The following PLB1 variants were observed in gnomAD, a reference collection of about 807,000 sequenced individuals.
The protein encoded by PLB1 is phospholipase B1.
Under a neutral mutation model 227.4 loss-of-function variants are expected in PLB1, and 242 were observed. That is an observed-to-expected ratio of 1.06 (90% CI 0.96 to 1.18). The LOEUF is 1.18. Among genes scored for constraint, PLB1 ranks in the 50% most tolerant of loss-of-function variants. The probability of loss-of-function intolerance (pLI) is 0.00; values close to 1 mark genes in which losing one functional copy is unlikely to be tolerated. For synonymous variants in PLB1, 757 were observed against 682.2 expected, an observed-to-expected ratio of 1.11 and a Z score of -1.71; for missense variants, 1,858 against 1,816.3, an observed-to-expected ratio of 1.02 and a Z score of -0.42.
At chr2:28,520,566 G>A (rs1669391649) in intron 4 of PLB1, among the ~76,000 whole-genome samples, 1 of 152,050 alleles carries the variant, frequency 6.6e-6, no homozygotes, top group Non-Finnish European at 1.5e-5. Context: ...TTTTCATTTA[G>A]CAAAACTGAA....
Position 28,542,242 on chromosome 2 carries a change from C to T in PLB1, c.879+431C>T, listed in dbSNP as rs768971950. Among the ~76,000 whole-genome samples, 13 of 152,170 alleles carry T rather than the reference C, an allele frequency of 8.5e-5. 1 individual carries two copies. The highest frequency in any genetic ancestry group is 1.9e-4 in the Non-Finnish European group (13 of 68,034). On this transcript the variant is annotated intron_variant, in intron 13 of 57. Coordinates refer to ENST00000327757, the MANE Select transcript of PLB1 (RefSeq NM_153021.5). ...CCCAATAAGCCTCAGCCCAGTTCAGCTCTCCTGAACCCAGGATGCATAGTC... is the reference window on the plus strand; with the variant it reads ...CCCAATAAGCCTCAGCCCAGTTCAGTTCTCCTGAACCCAGGATGCATAGTC...
intron 21 of PLB1, among the ~76,000 whole-genome samples, chr2:28,577,681 A>T (rs1454593715): frequency 6.6e-6 from 1 of 152,150 alleles, no homozygotes; most frequent in Non-Finnish European, 1.5e-5. Flanking sequence ...TCTCTACTAA[A>T]AATACAAAAA....
In PLB1 at chr2:28,602,808, G is replaced by C; in HGVS notation, c.2674-13G>C. ...GCCTGGAGCCCCCCTCTCATCTGCA[G>C]CTTTTCCCTTAGGTGCCCAGAGTCC... On this transcript the variant is annotated splice_polypyrimidine_tract_variant and intron_variant, in intron 38 of 57. Transcript: ENST00000327757. The C allele has an allele frequency of 6.2e-7, 1 of 1,612,970 alleles. No individual in the cohort carries two copies. The highest frequency in any genetic ancestry group is 2.2e-5 in the East Asian group (1 of 44,872).
intron 49 of PLB1, among the ~76,000 whole-genome samples, chr2:28,623,098 C>G (rs1024612342): frequency 6.6e-6 from 1 of 152,162 alleles, no homozygotes; most frequent in Non-Finnish European, 1.5e-5. Flanking sequence ...ACTGCACTGT[C>G]TAAAGACAGA....
intron 44 of PLB1, among the ~76,000 whole-genome samples, chr2:28,617,377 T>C (rs958108785): frequency 3.9e-5 from 6 of 152,232 alleles, no homozygotes; most frequent in African/African-American, 1.2e-4. Flanking sequence ...GCTGTGTTCC[T>C]TTGGGAGACC....
chr2:28,626,350 G>T lies in PLB1; in HGVS notation c.3580-78G>T, dbSNP rs576882422. 113 of 1,207,534 alleles carry T rather than the reference G, an allele frequency of 9.4e-5. No individual in the cohort carries two copies. In the African/African-American group the frequency reaches 1.5e-3, roughly 16 times the overall value. The allele number at this position is 1,207,534 out of a possible 1,614,324, so 74.8% of individuals were successfully genotyped here. A position where few individuals can be genotyped will look rare whatever the true frequency, so the allele number is the denominator to read the frequency against. On this transcript the variant is annotated intron_variant, in intron 50 of 57. Transcript: ENST00000327757. ...AAATAAGACAAAAGGCACTTGGAGG[G>T]CGGGCGGGCTGGCCCAGTAGCAACA... is the stretch of plus-strand genomic sequence containing the variant.
At position 28,548,906 on chromosome 2, in the gene PLB1, G is replaced by A. The variant is rs369559866; in HGVS notation, c.983G>A (p.Gly328Glu). 56 of 1,614,032 alleles carry A rather than the reference G, an allele frequency of 3.5e-5. No individual in the cohort carries two copies. The highest frequency in any genetic ancestry group is 1.6e-4 in the Middle Eastern group (1 of 6,084). ...EKDEPLSVKHGRPMKCPSQES... is the reference protein window; with the variant it reads ...EKDEPLSVKHERPMKCPSQES... ...GATGAGCCATTGAGTGTAAAACACG[G>A]GAGGCCAATGAAGTGTCCCTCTCAG... The change falls in exon 15 of 58, where the codon GGG becomes GAG. Residue 328 changes from glycine (G) to glutamate (E), a missense_variant. Gly to Glu is a moderately conservative substitution (Grantham distance 98). Transcript: ENST00000327757.
intron 31 of PLB1, 51 bp from the exon 32 acceptor site, chr2:28,592,610 T>G (rs1486906805): frequency 3.8e-6 from 6 of 1,571,050 alleles, no homozygotes; most frequent in Non-Finnish European, 5.3e-6. Flanking sequence ...CACTAGAGTG[T>G]GACTGTGGCT....
At chr2:28,549,581 A>G (rs1673894408) in intron 15 of PLB1, among the ~76,000 whole-genome samples, 1 of 151,810 alleles carries the variant, frequency 6.6e-6, no homozygotes, top group South Asian at 2.1e-4. Flanking sequence ...ACACCCAGCT[A>G]ATTTTTTTGT....
intron 1 of PLB1, among the ~76,000 whole-genome samples, chr2:28,514,964 G>A (rs1668674712): frequency 6.6e-6 from 1 of 152,126 alleles, no homozygotes; most frequent in Admixed American, 6.5e-5. Context: ...ACAGGCATGA[G>A]CCACCATGCC....
At position 28,549,997 on chromosome 2, in the gene PLB1, C is replaced by G. The variant is rs764499915; in HGVS notation, c.1009-13C>G. The G allele has an allele frequency of 6.2e-7, 1 of 1,608,700 alleles. No individual in the cohort carries two copies. The highest frequency in any genetic ancestry group is 1.1e-5 in the South Asian group (1 of 90,802). On this transcript the variant is annotated splice_polypyrimidine_tract_variant and intron_variant, in intron 15 of 57. Coordinates refer to ENST00000327757, the MANE Select transcript of PLB1 (RefSeq NM_153021.5). ...CTAGGGTCACGATTCCAACATGTCA[C>G]CTTTCCCTGCAGGAGAGCCCCTATC...
chr2:28,496,641 A>G (rs1237790023), intron 1 of PLB1, among the ~76,000 whole-genome samples: 3 of 152,194 alleles, frequency 2.0e-5, no homozygotes, highest in Non-Finnish European at 4.4e-5. Flanking sequence ...ATTCTAAAAG[A>G]TTGCCTACAT....
In PLB1 at chr2:28,573,319, A is replaced by G. The variant is rs762665159; in HGVS notation, c.1433+14A>G. 3 of 1,598,136 alleles carry G rather than the reference A, an allele frequency of 1.9e-6. No individual in the cohort carries two copies. Among genetic ancestry groups the G allele is most frequent in the Non-Finnish European group, 1.7e-6 (2 of 1,166,298 alleles). ...AGGCCGAGCTGAGTAAGCAGGGGTG[A>G]CCGGGGCGGTGAACAGCACAGGTCC... is the stretch of plus-strand genomic sequence containing the variant. On this transcript the variant is annotated intron_variant, in intron 21 of 57. Coordinates refer to ENST00000327757, the MANE Select transcript of PLB1 (RefSeq NM_153021.5).
At chr2:28,596,448 T>C (rs1309589130) in intron 33 of PLB1, among the ~76,000 whole-genome samples, 1 of 152,250 alleles carries the variant, frequency 6.6e-6, no homozygotes, top group African/African-American at 2.4e-5. Flanking sequence ...TGTTTTAAAA[T>C]GAAGATACCT....
At position 28,628,539 on chromosome 2, in the gene PLB1, G is replaced by A. The variant is rs767553174; in HGVS notation, c.3661-24G>A. 1.2e-5 allele frequency: 20 copies of A among 1,612,392 alleles called. 1 individual carries two copies. In the South Asian group the frequency reaches 2.2e-4, roughly 18 times the overall value. On this transcript the variant is annotated intron_variant, in intron 51 of 57. Coordinates refer to ENST00000327757, the MANE Select transcript of PLB1 (RefSeq NM_153021.5). ...CTCAGAGCGGGCACCAGGGGCTAAA[G>A]AGAGTACCCTTTTTTCCTTACAGGA... is the stretch of plus-strand genomic sequence containing the variant.
intron 28 of PLB1, 83 bp from the exon 29 acceptor site, chr2:28,589,922 C>T (rs921962438): frequency 1.4e-6 from 2 of 1,408,490 alleles, no homozygotes; most frequent in African/African-American, 1.4e-5. Context: ...CCCTCCCTGC[C>T]TCCCGCACCC....
intron 21 of PLB1, among the ~76,000 whole-genome samples, chr2:28,575,157 C>A (rs1678721698): frequency 6.6e-6 from 1 of 152,192 alleles, no homozygotes; most frequent in Non-Finnish European, 1.5e-5. Context: ...TCCCTTTCAC[C>A]ATATCCAGGC....
intron 49 of PLB1, among the ~76,000 whole-genome samples, chr2:28,624,806 G>A (rs550901920): frequency 6.6e-6 from 1 of 152,324 alleles, no homozygotes; most frequent in South Asian, 2.1e-4. Flanking sequence ...AAGTCCTGAG[G>A]GGAGGCTTGA....
In PLB1 at chr2:28,529,324, A is replaced by G. The variant is rs1230777976; in HGVS notation, c.333A>G (p.Ser111=). The change falls in exon 7 of 58, where the codon TCA becomes TCG. Residue 111 remains serine (S), a synonymous_variant. Coordinates refer to ENST00000327757, the MANE Select transcript of PLB1 (RefSeq NM_153021.5). The stretch of plus-strand genomic sequence containing the variant: ...AACCAGTTCTCTCTTTAGTCCTTTC[A>G]GACATCATCAGATATTTCAGTCCTT... ...QVCMGVMTVL[S]DIIRYFSPSV... 1.1e-5 allele frequency: 18 copies of G among 1,607,956 alleles called. No individual in the cohort carries two copies. Among genetic ancestry groups the G allele is most frequent in the Admixed American group, 8.3e-5 (5 of 59,996 alleles).
Sources: gnomAD v4.1 joint callset for allele counts (sites outside exome capture counted in the v4.1 genomes callset) on GRCh38, gnomAD v4.1.1 for gene constraint, MANE v1.5 for transcripts, NCBI Gene and HGNC (gene_info 2026-07-23, HGNC 2026-07-21) for gene names.